SSH2: variants seen among roughly 807,000 people sequenced by gnomAD.
SSH2 encodes slingshot protein phosphatase 2.
In SSH2, 37 loss-of-function variants were observed where a neutral mutation model predicts 135.2. The observed-to-expected ratio is 0.27, with a 90% confidence interval of 0.21 to 0.36. The LOEUF (loss-of-function observed/expected upper bound fraction) is 0.36. Among genes scored for constraint, SSH2 ranks in the 10% least tolerant of loss-of-function variants. The probability of loss-of-function intolerance (pLI) is 1.00; values close to 1 mark genes in which losing one functional copy is unlikely to be tolerated. For missense variants in SSH2, 1,408 were observed against 1,765.3 expected, an observed-to-expected ratio of 0.80 and a Z score of 3.63; for synonymous variants, 628 against 646.2, an observed-to-expected ratio of 0.97 and a Z score of 0.43.
chr17:29,742,409 C>T (rs1023251943), intron 3 of SSH2, among the ~76,000 whole-genome samples: 1 of 150,146 alleles, frequency 6.7e-6, no homozygotes, highest in Non-Finnish European at 1.5e-5. Context: ...TCCTTGACCT[C>T]CTGGGCTCAA....
chr17:29,645,182 T>G (rs755211891), intron 14 of SSH2: 1 of 152,232 alleles, frequency 6.6e-6, no homozygotes, highest in Non-Finnish European at 1.5e-5. Flanking sequence ...ACAATAACCC[T>G]GTGAGATGGA....
At chr17:29,775,238 C>A (rs1051334705) in intron 3 of SSH2, among the ~76,000 whole-genome samples, 1 of 151,310 alleles carries the variant, frequency 6.6e-6, no homozygotes, top group Non-Finnish European at 1.5e-5. Flanking sequence ...TGAGATCTGG[C>A]AGCCTAGAAG....
intron 13 of SSH2, 99 bp downstream of exon 13, chr17:29,650,555 G>A: frequency 2.6e-6 from 3 of 1,169,712 alleles, no homozygotes; most frequent in Non-Finnish European, 3.5e-6. Flanking sequence ...CCTTTTTCCT[G>A]AGTACCATCA....
At position 29,717,213 on chromosome 17, in the gene SSH2, G is replaced by A. The variant is rs916954359; in HGVS notation, c.189-14151C>T. ...GGCAGTGGTGTGTTCATGGCTCACT[G>A]CAGCCTCAACCTCACAGGCTCAAGC... On this transcript the variant is annotated intron_variant, in intron 3 of 15. Transcript: ENST00000540801. 3.3e-5 allele frequency among the ~76,000 whole-genome samples: 5 copies of A among 152,322 alleles called. 1 individual carries two copies. The South Asian group carries it at 1.0e-3, about 32-fold the overall frequency.
intron 3 of SSH2, among the ~76,000 whole-genome samples, chr17:29,740,448 C>CTT (rs34076256): frequency 6.8e-6 from 1 of 147,718 alleles, no homozygotes; most frequent in Non-Finnish European, 1.5e-5. Context: ...TTATTACCCT[C>CTT]TTTTTTTTTT....
At position 29,848,587 on chromosome 17, in the gene SSH2, A is replaced by C. The variant is rs1268305743; in HGVS notation, c.144+262T>G. Among the ~76,000 whole-genome samples the C allele has an allele frequency of 1.3e-5, 2 of 152,220 alleles. 1 individual carries two copies. The highest frequency in any genetic ancestry group is 2.9e-5 in the Non-Finnish European group (2 of 68,038). ...CTCTTTATTGAAGGAGACTCACTCA[A>C]GGTTCCAAGATGCCACATTTTTTCT... On this transcript the variant is annotated intron_variant, in intron 2 of 15. Coordinates refer to ENST00000540801, the MANE Select transcript of SSH2 (RefSeq NM_001282129.2).
chr17:29,717,643 A>G (rs1350181514), intron 3 of SSH2, among the ~76,000 whole-genome samples: 1 of 152,220 alleles, frequency 6.6e-6, no homozygotes, highest in African/African-American at 2.4e-5. Context: ...GTTATAAGCT[A>G]TGGCAGGGAA....
chr17:29,918,499 T>C (rs2066920661), intron 1 of SSH2, among the ~76,000 whole-genome samples: 1 of 152,096 alleles, frequency 6.6e-6, no homozygotes, highest in Non-Finnish European at 1.5e-5. Context: ...AAAATAAGGG[T>C]GCAGATGTTA....
At chr17:29,834,361 C>A (rs1047708317) in intron 2 of SSH2, among the ~76,000 whole-genome samples, 2 of 152,264 alleles carry the variant, frequency 1.3e-5, no homozygotes, top group Non-Finnish European at 2.9e-5. Flanking sequence ...ATTGAAACCC[C>A]ATTTACCCTG....
intron 3 of SSH2, among the ~76,000 whole-genome samples, chr17:29,762,161 G>A (rs1479555409): frequency 1.3e-5 from 2 of 151,422 alleles, no homozygotes; most frequent in Non-Finnish European, 2.9e-5. Context: ...GATTACAGGC[G>A]TGAGCCAGGG....
At chr17:29,742,319 CTT>C (rs891136307) in intron 3 of SSH2, among the ~76,000 whole-genome samples, 28 of 129,636 alleles carry the variant, frequency 2.2e-4, no homozygotes, top group Admixed American at 4.6e-4. Flanking sequence ...GCAAGTTCTT[CTT>C]TTTTTTTTTT....
chr17:29,889,226 C>T (rs2066301288), intron 1 of SSH2, among the ~76,000 whole-genome samples: 1 of 151,998 alleles, frequency 6.6e-6, no homozygotes, highest in Non-Finnish European at 1.5e-5. Flanking sequence ...GCAGGTGGAT[C>T]ACTTGAGGTC....
chr17:29,725,347 C>CAAAAA (rs11449000), intron 3 of SSH2, among the ~76,000 whole-genome samples: 666 of 52,752 alleles, frequency 0.013, 107 homozygotes, highest in African/African-American at 0.048. Flanking sequence ...AATCAGTCTC[C>CAAAAA]AAAAAAAAAA....
At position 29,674,779 on chromosome 17, in the gene SSH2, TA is replaced by T. The variant is rs535694281; in HGVS notation, c.614+2040del. Among the ~76,000 whole-genome samples the T allele has an allele frequency of 2.2e-4, 33 of 151,496 alleles. 1 individual carries two copies. In the Middle Eastern group the frequency reaches 0.01, roughly 47 times the overall value. ...ATACCGTAATGATAGCTGATGAGCT[TA>T]AAAAAAAATGCAAAAAAATCTCATC... is the stretch of plus-strand genomic sequence containing the variant. On this transcript the variant is annotated intron_variant, in intron 8 of 15. Transcript: ENST00000540801.
rs1225969281 is a variant in SSH2, at chr17:29,636,000, C to T, written c.2230G>A (p.Glu744Lys). 1 of 1,613,764 alleles carries T rather than the reference C, an allele frequency of 6.2e-7. No individual in the cohort carries two copies. The highest frequency in any genetic ancestry group is 1.7e-5 in the Admixed American group (1 of 60,010). Residue 744 changes from glutamate to lysine, a missense_variant, in exon 15 of 16, where the codon GAA becomes AAA. Glu to Lys is a moderately conservative substitution (Grantham distance 56, BLOSUM62 1). Coordinates refer to ENST00000540801, the MANE Select transcript of SSH2 (RefSeq NM_001282129.2). ...TGTTCCTCATCCATTGAAGATTCTT[C>T]TGATGCATGGGGAGTATTACTCAAA... ...SSLSNTPHASEESSMDEEQSK... is the reference protein window; with the variant it reads ...SSLSNTPHASKESSMDEEQSK...
intron 3 of SSH2, among the ~76,000 whole-genome samples, chr17:29,733,195 G>C (rs983404620): frequency 3.3e-5 from 5 of 152,082 alleles, no homozygotes; most frequent in African/African-American, 1.2e-4. Flanking sequence ...GCAAAAACAA[G>C]CAAACAAATA....
At chr17:29,659,983 A>G (rs1209607562) in intron 11 of SSH2, among the ~76,000 whole-genome samples, 1 of 150,992 alleles carries the variant, frequency 6.6e-6, no homozygotes, top group Non-Finnish European at 1.5e-5. Context: ...GGCACGCACC[A>G]TCATACCCAG....
At chr17:29,744,881 G>GTGTGTGTGTGTT (rs1555625841) in intron 3 of SSH2, among the ~76,000 whole-genome samples, 2 of 151,098 alleles carry the variant, frequency 1.3e-5, no homozygotes, top group African/African-American at 4.9e-5. Flanking sequence ...GTGTGTGTGT[G>GTGTGTGTGTGTT]TGTGTGTGTG....
intron 3 of SSH2, among the ~76,000 whole-genome samples, chr17:29,789,577 T>G (rs550217727): frequency 6.6e-6 from 1 of 152,270 alleles, no homozygotes; most frequent in East Asian, 1.9e-4. Context: ...ACACCCACCA[T>G]GGGTGGCGAT....
Sources: gnomAD v4.1 joint callset for allele counts (sites outside exome capture counted in the v4.1 genomes callset) on GRCh38, gnomAD v4.1.1 for gene constraint, MANE v1.5 for transcripts, NCBI Gene and HGNC (gene_info 2026-07-23, HGNC 2026-07-21) for gene names.